Variants in CHRM3 observed in about 807,000 individuals in gnomAD.
CHRM3 encodes cholinergic receptor muscarinic 3.
Under a neutral mutation model 41.8 loss-of-function variants are expected in CHRM3, and 11 were observed. That is an observed-to-expected ratio of 0.26 (90% CI 0.17 to 0.44). The LOEUF (loss-of-function observed/expected upper bound fraction) is 0.44, where lower values mean the gene tolerates loss of function less well. Ranked by LOEUF, CHRM3 falls within the 20% of genes least tolerant of loss-of-function variation. The probability of loss-of-function intolerance (pLI) is 1.00; values close to 1 mark genes in which losing one functional copy is unlikely to be tolerated. For missense variants in CHRM3, 571 were observed against 745.4 expected, an observed-to-expected ratio of 0.77 and a Z score of 2.72; for synonymous variants, 297 against 301.4, an observed-to-expected ratio of 0.99 and a Z score of 0.15.
chr1:239,854,191 C>A (rs1674923039), intron 6 of CHRM3, among the ~76,000 whole-genome samples: 1 of 151,980 alleles, frequency 6.6e-6, no homozygotes, highest in South Asian at 2.1e-4. Context: ...AACGAAGAGA[C>A]CATCAAGGAT....
chr1:239,656,170 G>A (rs546081977), intron 4 of CHRM3, among the ~76,000 whole-genome samples: 19 of 152,116 alleles, frequency 1.2e-4, no homozygotes, highest in African/African-American at 4.6e-4. Context: ...GAAGGAAGGG[G>A]GGGAAAGGGT....
intron 5 of CHRM3, among the ~76,000 whole-genome samples, chr1:239,718,486 T>C (rs1662614148): frequency 1.3e-5 from 2 of 152,022 alleles, no homozygotes; most frequent in Admixed American, 1.3e-4. Flanking sequence ...AATACAGATG[T>C]TTATATAATA....
At chr1:239,677,041 C>A (rs1256299088) in intron 4 of CHRM3, among the ~76,000 whole-genome samples, 1 of 152,118 alleles carries the variant, frequency 6.6e-6, no homozygotes, top group Non-Finnish European at 1.5e-5. Context: ...CTCCCCATCC[C>A]ATTTCCTTTT....
intron 5 of CHRM3, among the ~76,000 whole-genome samples, chr1:239,734,645 T>C (rs1040420227): frequency 6.6e-6 from 1 of 152,184 alleles, no homozygotes; most frequent in Non-Finnish European, 1.5e-5. Context: ...ACATTTATTA[T>C]ATAATCAGAT....
intron 4 of CHRM3, among the ~76,000 whole-genome samples, chr1:239,646,384 A>G (rs1182412519): frequency 1.3e-5 from 2 of 152,202 alleles, no homozygotes; most frequent in African/African-American, 4.8e-5. Flanking sequence ...GCTGTTAAGT[A>G]TGATGCTGGA....
At chr1:239,404,426 GAAAGAAAGAA>G (rs1660366816) in intron 1 of CHRM3, among the ~76,000 whole-genome samples, 1 of 104,836 alleles carries the variant, frequency 9.5e-6, no homozygotes, top group African/African-American at 3.8e-5. Context: ...AAGAAAGAAA[GAAAGAAAGAA>G]AGAAAGAAAG....
Position 239,416,211 on chromosome 1 carries a change from C to T in CHRM3, c.-521+28984C>T, listed in dbSNP as rs1163903775. Among the ~76,000 whole-genome samples the T allele has an allele frequency of 3.3e-5, 5 of 152,234 alleles. No homozygotes were observed. In the East Asian group the frequency reaches 9.7e-4, roughly 29 times the overall value. On this transcript the variant is annotated intron_variant, in intron 1 of 6. Transcript: ENST00000676153. ...AATAAAAGTTTTGTTTTTTGGACTA[C>T]TTTTTATCAGGTTTGATCACTGATT...
chr1:239,845,571 A>G (rs1374374948), intron 6 of CHRM3, among the ~76,000 whole-genome samples: 3 of 152,194 alleles, frequency 2.0e-5, no homozygotes, highest in African/African-American at 4.8e-5. Flanking sequence ...GCTCTCATGT[A>G]GTTCCGTGAG....
At chr1:239,670,153 G>A (rs1318957807) in intron 4 of CHRM3, among the ~76,000 whole-genome samples, 1 of 152,146 alleles carries the variant, frequency 6.6e-6, no homozygotes, top group Non-Finnish European at 1.5e-5. Flanking sequence ...GATTAGAGAA[G>A]TTTATCTACC....
chr1:239,486,010 T>A (rs116755255), intron 1 of CHRM3, among the ~76,000 whole-genome samples: 3,260 of 152,324 alleles, frequency 0.021, 56 homozygotes, highest in Non-Finnish European at 0.034. Context: ...ACTCCTGAAC[T>A]AATGCAATAG....
chr1:239,667,143 G>A (rs893292853), intron 4 of CHRM3, among the ~76,000 whole-genome samples: 1 of 151,842 alleles, frequency 6.6e-6, no homozygotes, highest in South Asian at 2.1e-4. Context: ...TTTGTATCAC[G>A]AATTGCTTAT....
At chr1:239,561,050 C>T (rs562834029) in intron 3 of CHRM3, among the ~76,000 whole-genome samples, 2 of 152,246 alleles carry the variant, frequency 1.3e-5, no homozygotes, top group Non-Finnish European at 2.9e-5. Context: ...CCACATCTGC[C>T]TCCTTCTTTG....
At chr1:239,576,936 A>C (rs1662423503) in intron 3 of CHRM3, among the ~76,000 whole-genome samples, 1 of 152,220 alleles carries the variant, frequency 6.6e-6, no homozygotes, top group Non-Finnish European at 1.5e-5. Flanking sequence ...TAAACACATA[A>C]CAATTTCAGC....
chr1:239,679,263 A>G (rs1658324717), intron 5 of CHRM3, among the ~76,000 whole-genome samples: 1 of 152,160 alleles, frequency 6.6e-6, no homozygotes, highest in Non-Finnish European at 1.5e-5. Context: ...TCTATTTTCA[A>G]CAGGAAAACT....
At chr1:239,574,059 A>G (rs565140373) in intron 3 of CHRM3, among the ~76,000 whole-genome samples, 3 of 152,274 alleles carry the variant, frequency 2.0e-5, no homozygotes. Flanking sequence ...CAATGCAAGC[A>G]GACTTACCCT....
At chr1:239,664,723 C>T (rs1042749328) in intron 4 of CHRM3, among the ~76,000 whole-genome samples, 2 of 152,220 alleles carry the variant, frequency 1.3e-5, no homozygotes, top group African/African-American at 4.8e-5. Flanking sequence ...CTCATGTTAC[C>T]CTCTTTGAAG....
At chr1:239,609,579 T>C (rs1454876384) in intron 3 of CHRM3, among the ~76,000 whole-genome samples, 1 of 152,236 alleles carries the variant, frequency 6.6e-6, no homozygotes, top group African/African-American at 2.4e-5. Flanking sequence ...AACTCTTTTT[T>C]CAAAACGGTT....
chr1:239,592,698 A>T (rs2148647474), intron 3 of CHRM3, among the ~76,000 whole-genome samples: 1 of 152,298 alleles, frequency 6.6e-6, no homozygotes, highest in South Asian at 2.1e-4. Flanking sequence ...GAAATACCAC[A>T]TAATATACCA....
chr1:239,861,847 A>G (rs1675669124), intron 6 of CHRM3, among the ~76,000 whole-genome samples: 1 of 152,216 alleles, frequency 6.6e-6, no homozygotes, highest in African/African-American at 2.4e-5. Context: ...TTATCAAATA[A>G]TAAGAAAACT....
Sources: allele counts gnomAD v4.1 joint callset (sites outside exome capture counted in the v4.1 genomes callset), GRCh38; gene constraint gnomAD v4.1.1; transcripts MANE v1.5; gene names NCBI Gene and HGNC (gene_info 2026-07-23, HGNC 2026-07-21).